The following CHD7 variants were observed in gnomAD, a reference collection of about 807,000 sequenced individuals.
The protein encoded by CHD7 is ATP-dependent chromatin remodeler CHD7.
Under a neutral mutation model 307.3 loss-of-function variants are expected in CHD7, and 24 were observed. The ratio of observed to expected loss-of-function variants is 0.08; its 90% confidence interval spans 0.06 to 0.11. The LOEUF (loss-of-function observed/expected upper bound fraction) is 0.11, where lower values mean the gene tolerates loss of function less well. Ranked by LOEUF, CHD7 falls within the 10% of genes least tolerant of loss-of-function variation. CHD7 has a pLI of 1.00. For synonymous variants in CHD7, 1,363 were observed against 1,349.9 expected (o/e 1.01, Z -0.21); for missense variants, 3,106 against 3,727.1 (o/e 0.83, Z 4.34).
At chr8:60,825,856 T>A (rs539546104) in intron 13 of CHD7, among the ~76,000 whole-genome samples, 23 of 152,214 alleles carry the variant, frequency 1.5e-4, no homozygotes, top group African/African-American at 4.8e-4. Context: ...TTTTTTTTTT[T>A]AATTTAAGTT....
In CHD7 at chr8:60,704,835, A is replaced by T. The variant is rs118044648; in HGVS notation, c.-175+25753A>T. Among the ~76,000 whole-genome samples, 22 of 152,136 alleles carry T rather than the reference A, an allele frequency of 1.4e-4. No homozygotes were observed. In the East Asian group the frequency reaches 4.2e-3, roughly 29 times the overall value. On this transcript the variant is annotated intron_variant, in intron 1 of 37. Transcript: ENST00000423902. The stretch of plus-strand genomic sequence containing the variant: ...TATGGTGCCTTTGCAACTTAACAAG[A>T]GGTACCCTTTCTCTTGAGCACATGG...
chr8:60,751,627 A>G (rs993240562), intron 2 of CHD7, among the ~76,000 whole-genome samples: 16 of 152,254 alleles, frequency 1.1e-4, no homozygotes, highest in Non-Finnish European at 2.2e-4. Context: ...GAAAGTCAGT[A>G]GCAAACTTGT....
At position 60,865,390 on chromosome 8, in the gene CHD7, T is replaced by TAAC. The variant is rs1443281585; in HGVS notation, c.8452_8454dup (p.Asn2818dup). On this transcript the variant is annotated inframe_insertion, in exon 38 of 38. Coordinates refer to ENST00000423902, the MANE Select transcript of CHD7 (RefSeq NM_017780.4). The surrounding 1 kb of genome is among the most constrained non-coding windows in gnomAD (Gnocchi z 4.3). ...TGTTTGGCTTGGGCGGGCTGTTGAA[T>TAAC]AACCCTCTGTCAGCTGCTACTGGAA... 2 of 1,613,292 alleles carry TAAC rather than the reference T, an allele frequency of 1.2e-6. No homozygotes were observed. Among genetic ancestry groups the TAAC allele is most frequent in the Non-Finnish European group, 1.7e-6 (2 of 1,179,774 alleles).
chr8:60,804,457 T>G (rs533082649), intron 6 of CHD7, among the ~76,000 whole-genome samples: 70 of 152,290 alleles, frequency 4.6e-4, no homozygotes, highest in Middle Eastern at 6.8e-3. Context: ...GAGTGTGTGT[T>G]TTAAGTATGT....
intron 16 of CHD7, 71 bp from the exon 17 acceptor site, chr8:60,836,746 A>C: frequency 1.8e-6 from 2 of 1,124,360 alleles, no homozygotes; most frequent in Non-Finnish European, 1.3e-6. Flanking sequence ...GTAATAATTA[A>C]AAATTAAAAA....
chr8:60,756,495 A>G (rs1006933714), intron 2 of CHD7, among the ~76,000 whole-genome samples: 5 of 152,236 alleles, frequency 3.3e-5, no homozygotes, highest in African/African-American at 1.2e-4. Context: ...ATCCCAAAAA[A>G]GTCCCTGTCA....
intron 3 of CHD7, among the ~76,000 whole-genome samples, chr8:60,794,424 T>C (rs1159613867): frequency 6.6e-6 from 1 of 152,318 alleles, no homozygotes; most frequent in African/African-American, 2.4e-5. Context: ...ATAAAGCTTA[T>C]ATTTAATTAA....
Position 60,860,911 on chromosome 8 carries a change from C to G in CHD7, c.7616C>G (p.Ala2539Gly). 1 of 1,612,276 alleles carries G rather than the reference C, an allele frequency of 6.2e-7. No homozygotes were observed. The highest frequency in any genetic ancestry group is 2.2e-5 in the East Asian group (1 of 44,868). ...HKRTSLSAED[A>G]EVTKAFEEDI... ...ATTGTGAACTTTCTGCAGGAGGATG[C>G]TGAGGTGACCAAAGCTTTTGAAGAA... is the stretch of plus-strand genomic sequence containing the variant. Residue 2539 changes from alanine to glycine, a missense_variant, in exon 35 of 38, where the codon GCT becomes GGT. Physicochemically the swap from Ala to Gly is moderately conservative, Grantham distance 60. Coordinates refer to ENST00000423902, the MANE Select transcript of CHD7 (RefSeq NM_017780.4).
At chr8:60,856,414 G>T in intron 33 of CHD7, 31 bp from the exon 34 acceptor site, 1 of 1,576,080 alleles carries the variant, frequency 6.3e-7, no homozygotes, top group Non-Finnish European at 8.6e-7. Context: ...TTGGCTCACT[G>T]CAACTCTGTT....
intron 1 of CHD7, among the ~76,000 whole-genome samples, chr8:60,703,363 A>G (rs999308804): frequency 6.6e-6 from 1 of 152,266 alleles, no homozygotes; most frequent in Non-Finnish European, 1.5e-5. Flanking sequence ...GTGATTGGTC[A>G]TATAGCACCA....
intron 2 of CHD7, among the ~76,000 whole-genome samples, chr8:60,756,465 G>A (rs1478310827): frequency 6.6e-6 from 1 of 152,188 alleles, no homozygotes; most frequent in Non-Finnish European, 1.5e-5. Context: ...TGGTATAAGT[G>A]ATATTTTAGA....
intron 1 of CHD7, among the ~76,000 whole-genome samples, chr8:60,686,318 A>T (rs975209275): frequency 6.6e-6 from 1 of 151,098 alleles, no homozygotes; most frequent in South Asian, 2.1e-4. Context: ...TTTATATCTA[A>T]TACTATTTCT....
In CHD7 at chr8:60,810,378, A is replaced by AGT. The variant is rs780013407; in HGVS notation, c.2498+2107_2498+2108insTG. ...CAGTGGATAGGACTGGGAGAGAGAGAGAGTGTGTGTGTGTGTGTGTGTGTG... is the reference window on the plus strand; with the variant it reads ...CAGTGGATAGGACTGGGAGAGAGAGAGTGAGTGTGTGTGTGTGTGTGTGTGTG... On this transcript the variant is annotated intron_variant, in intron 7 of 37. Transcript: ENST00000423902. Among the ~76,000 whole-genome samples, 23 of 133,378 alleles carry AGT rather than the reference A, an allele frequency of 1.7e-4. 1 individual carries two copies. The highest frequency in any genetic ancestry group is 1.4e-4 in the African/African-American group (5 of 35,234). 87.5% of individuals were successfully genotyped at this position (133,378 alleles called of 152,430 possible).
intron 1 of CHD7, among the ~76,000 whole-genome samples, chr8:60,691,766 G>A (rs1160967231): frequency 6.6e-6 from 1 of 152,200 alleles, no homozygotes; most frequent in Non-Finnish European, 1.5e-5. Flanking sequence ...CTGGACCGAG[G>A]TAACTTTCTT....
At chr8:60,736,904 T>C in intron 1 of CHD7, among the ~76,000 whole-genome samples, 1 of 152,178 alleles carries the variant, frequency 6.6e-6, no homozygotes, top group East Asian at 1.9e-4. Flanking sequence ...AAAACTCAGC[T>C]ATACAAATGC....
chr8:60,751,415 A>G (rs1299439731), intron 2 of CHD7, among the ~76,000 whole-genome samples: 3 of 152,222 alleles, frequency 2.0e-5, no homozygotes, highest in African/African-American at 4.8e-5. Context: ...AGGAAGAAGA[A>G]TTGGGAAGTG....
chr8:60,803,540 A>G (rs1812407563), intron 6 of CHD7, among the ~76,000 whole-genome samples: 1 of 152,142 alleles, frequency 6.6e-6, no homozygotes, highest in Admixed American at 6.5e-5. Flanking sequence ...GAGGGTGGAC[A>G]TTTGTTGAGT....
chr8:60,742,986 G>T lies in CHD7; in HGVS notation c.1554G>T (p.Gln518His), dbSNP rs369284507. Reference protein sequence around the residue: ...FQQLPTCPPLQPHPGLHHQSS... With the variant: ...FQQLPTCPPLHPHPGLHHQSS... ...AGTTGCCAACCTGTCCTCCACTGCAGCCTCACCCGGGCTTGCACCACCAGT... is the reference window on the plus strand; with the variant it reads ...AGTTGCCAACCTGTCCTCCACTGCATCCTCACCCGGGCTTGCACCACCAGT... Residue 518 changes from glutamine (Q) to histidine (H), a missense_variant, in exon 2 of 38, where the codon CAG (glutamine) becomes CAT (histidine). By Grantham distance (24) the Gln-to-His change is conservative. Coordinates refer to ENST00000423902, the MANE Select transcript of CHD7 (RefSeq NM_017780.4). The T allele has an allele frequency of 2.0e-5, 33 of 1,613,664 alleles. No individual in the cohort carries two copies. The highest frequency in any genetic ancestry group is 2.7e-5 in the African/African-American group (2 of 74,894).
chr8:60,776,575 G>A (rs186559466), intron 2 of CHD7, among the ~76,000 whole-genome samples: 97 of 151,986 alleles, frequency 6.4e-4, no homozygotes, highest in African/African-American at 2.1e-3. Context: ...CCTGGGTTAG[G>A]TGCTCTGCAC....
Sources: gnomAD v4.1 joint callset for allele counts (sites outside exome capture counted in the v4.1 genomes callset) on GRCh38, gnomAD v4.1.1 for gene constraint, Gnocchi (gnomAD v3.1) non-coding constraint, MANE v1.5 for transcripts, NCBI Gene and HGNC (gene_info 2026-07-23, HGNC 2026-07-21) for gene names.